Variants in PCDHGA1 observed in about 807,000 individuals in gnomAD.
PCDHGA1 encodes protocadherin gamma-A1.
In PCDHGA1, 32 loss-of-function variants were observed where a neutral mutation model predicts 58.0. That is an observed-to-expected ratio of 0.55 (90% CI 0.42 to 0.74). PCDHGA1 has a LOEUF of 0.74. Ranked by LOEUF, PCDHGA1 falls within the 30% of genes least tolerant of loss-of-function variation. PCDHGA1 has a pLI of 0.00. For missense variants in PCDHGA1, 1,205 were observed against 1,182.3 expected (o/e 1.02, Z -0.28); for synonymous variants, 498 against 501.1 (o/e 0.99, Z 0.08).
At chr5:141,345,124 G>A (rs1757522698) in intron 1 of PCDHGA1, 8 of 1,613,886 alleles carry the variant, frequency 5.0e-6, no homozygotes, top group Non-Finnish European at 6.8e-6. Flanking sequence ...ACCGTTGGAA[G>A]AGAAATTGCT....
intron 1 of PCDHGA1, chr5:141,360,805 G>A: frequency 6.2e-7 from 1 of 1,613,924 alleles, no homozygotes; most frequent in Middle Eastern, 1.6e-4. Flanking sequence ...ACCTCAAAGT[G>A]GCACGACCCA....
chr5:141,361,118 C>G (rs749515160), intron 1 of PCDHGA1: 32 of 1,613,888 alleles, frequency 2.0e-5, no homozygotes, highest in Non-Finnish European at 8.5e-7. Context: ...GGAGATCTAG[C>G]AGCCCACTGC....
At chr5:141,372,420 A>G (rs765908055) in intron 1 of PCDHGA1, 1 of 1,614,042 alleles carries the variant, frequency 6.2e-7, no homozygotes, top group Admixed American at 1.7e-5. Context: ...ACCTGACCTT[A>G]GCGACCGCCC....
At chr5:141,385,066 C>A (rs1780827434) in intron 1 of PCDHGA1, 1 of 1,614,194 alleles carries the variant, frequency 6.2e-7, no homozygotes, top group Non-Finnish European at 8.5e-7. Flanking sequence ...GCACAAGTCA[C>A]GCCTGCTGCA....
chr5:141,408,313 T>C, intron 1 of PCDHGA1: 1 of 1,613,758 alleles, frequency 6.2e-7, no homozygotes, highest in South Asian at 1.1e-5. Context: ...GCTACTCGAT[T>C]CCGGAGGAGC....
chr5:141,352,952 C>A (rs1759151457), intron 1 of PCDHGA1, among the ~76,000 whole-genome samples: 1 of 152,140 alleles, frequency 6.6e-6, no homozygotes, highest in Non-Finnish European at 1.5e-5. Flanking sequence ...TGTGCCACTG[C>A]ACTCCAGCCT....
chr5:141,459,548 C>G (rs980305784), intron 1 of PCDHGA1, among the ~76,000 whole-genome samples: 2 of 152,036 alleles, frequency 1.3e-5, no homozygotes, highest in African/African-American at 4.8e-5. Flanking sequence ...TTTTATTTCT[C>G]TTGGATAAAT....
chr5:141,362,067 C>T (rs1762309889), intron 1 of PCDHGA1: 3 of 1,612,358 alleles, frequency 1.9e-6, no homozygotes, highest in East Asian at 4.5e-5. Context: ...GCCTGCTGGT[C>T]GCTGTGCGTG....
At chr5:141,344,363 T>C in intron 1 of PCDHGA1, 1 of 1,613,660 alleles carries the variant, frequency 6.2e-7, no homozygotes, top group East Asian at 2.2e-5. Context: ...ACATTCTGGT[T>C]GAGGATAAAT....
intron 1 of PCDHGA1, chr5:141,375,967 G>A (rs200712802): frequency 2.6e-5 from 42 of 1,613,250 alleles, no homozygotes; most frequent in Non-Finnish European, 3.5e-5. Flanking sequence ...AGGTGCGCAC[G>A]GCGCGCGCCC....
At chr5:141,388,324 A>T in intron 1 of PCDHGA1, 1 of 1,613,978 alleles carries the variant, frequency 6.2e-7, no homozygotes, top group East Asian at 2.2e-5. Flanking sequence ...GAGTCTGCAC[A>T]GCCTGGCACA....
chr5:141,393,261 G>A lies in PCDHGA1; in HGVS notation c.2421+60156G>A, dbSNP rs567943150. 16 of 1,613,898 alleles carry A rather than the reference G, an allele frequency of 9.9e-6. 1 individual carries two copies. Among genetic ancestry groups the A allele is most frequent in the South Asian group, 1.1e-5 (1 of 91,090 alleles). ...AATTAACGAAATCGCGGTTCCTGGAGCACGTTATCCACTCCCAGAAGCTGT... is the reference window on the plus strand; with the variant it reads ...AATTAACGAAATCGCGGTTCCTGGAACACGTTATCCACTCCCAGAAGCTGT... On this transcript the variant is annotated intron_variant, in intron 1 of 3. Transcript: ENST00000517417.
At chr5:141,428,188 G>C (rs1023078587) in intron 1 of PCDHGA1, 1 of 1,433,232 alleles carries the variant, frequency 7.0e-7, no homozygotes, top group African/African-American at 1.4e-5. Flanking sequence ...GACAGCCGCC[G>C]CTCTCTGCGC....
At chr5:141,415,468 G>A (rs762272586) in intron 1 of PCDHGA1, 8 of 1,614,070 alleles carry the variant, frequency 5.0e-6, no homozygotes, top group East Asian at 2.2e-5. Context: ...CTCTCTCACC[G>A]CGGACTCGCG....
At chr5:141,390,674 T>C (rs1389887545) in intron 1 of PCDHGA1, 1 of 189,116 alleles carries the variant, frequency 5.3e-6, no homozygotes, top group East Asian at 1.5e-4. Flanking sequence ...ATAAAAATAA[T>C]AAAGCCAAAG....
chr5:141,350,799 A>C (rs751350769), intron 1 of PCDHGA1: 5 of 1,614,018 alleles, frequency 3.1e-6, no homozygotes, highest in Non-Finnish European at 4.2e-6. Context: ...CTGTCAACGA[A>C]GGAAAGTCCT....
chr5:141,384,206 C>T (rs887307433), intron 1 of PCDHGA1: 1 of 1,613,928 alleles, frequency 6.2e-7, no homozygotes. Context: ...TCCAGGGAAA[C>T]TCACATATTC....
chr5:141,402,867 C>A (rs996572604), intron 1 of PCDHGA1: 7 of 1,443,390 alleles, frequency 4.8e-6, no homozygotes, highest in Non-Finnish European at 6.4e-6. Context: ...AGGAAAAGAT[C>A]ACCATACTTT....
rs11575954 is a variant in PCDHGA1 at position 141,376,006 on chromosome 5, C to T, written c.2421+42901C>T. The T allele has an allele frequency of 4.7e-3, 7,621 of 1,612,710 alleles. 42 individuals are homozygous for T. Among genetic ancestry groups the T allele is most frequent in the Admixed American group, 8.7e-3 (524 of 59,936 alleles). On this transcript the variant is annotated intron_variant, in intron 1 of 3. Transcript: ENST00000517417. ...TGGACAGAGACGCGCTCAAGCAGAG[C>T]CTAGTGGTGGCCGTCCAGGACCACG...
Sources: allele counts gnomAD v4.1 joint callset (sites outside exome capture counted in the v4.1 genomes callset), GRCh38; gene constraint gnomAD v4.1.1; transcripts MANE v1.5; gene names NCBI Gene and HGNC (gene_info 2026-07-23, HGNC 2026-07-21).